Variants in DCAF6 observed in about 807,000 individuals in gnomAD.
The protein encoded by DCAF6 is DDB1 and CUL4 associated factor 6.
Under a neutral mutation model 125.1 loss-of-function variants are expected in DCAF6, and 54 were observed. The ratio of observed to expected loss-of-function variants is 0.43; its 90% CI spans 0.35 to 0.54. The LOEUF is 0.54. DCAF6 is among the 20% of genes least tolerant of loss of function. DCAF6 has a pLI of 0.01. For missense variants in DCAF6, 934 were observed against 1,161.7 expected (o/e 0.80, Z 2.85); for synonymous variants, 371 against 390.4 (o/e 0.95, Z 0.58).
At chr1:167,938,810 A>G (rs1184865374) in intron 1 of DCAF6, among the ~76,000 whole-genome samples, 1 of 152,190 alleles carries the variant, frequency 6.6e-6, no homozygotes, top group Non-Finnish European at 1.5e-5. Context: ...GTTAATTAAA[A>G]TATAACAAAA....
chr1:168,008,748 T>C (rs1355222433), intron 10 of DCAF6, among the ~76,000 whole-genome samples: 1 of 152,034 alleles, frequency 6.6e-6, no homozygotes, highest in African/African-American at 2.4e-5. Flanking sequence ...CATTCAATTT[T>C]CTCAGTACTT....
At chr1:167,939,944 C>T (rs962733626) in intron 1 of DCAF6, among the ~76,000 whole-genome samples, 8 of 152,096 alleles carry the variant, frequency 5.3e-5, no homozygotes, top group Non-Finnish European at 1.0e-4. Context: ...GATACATTTT[C>T]ATTATTTGTA....
intron 16 of DCAF6, among the ~76,000 whole-genome samples, chr1:168,049,431 G>GTTGTTGT (rs749459860): frequency 6.6e-4 from 67 of 101,208 alleles, no homozygotes; most frequent in African/African-American, 2.6e-3. Flanking sequence ...TGTTGTTGTT[G>GTTGTTGT]TTTTTTTTTT....
At chr1:167,961,712 G>A (rs1315591304) in intron 2 of DCAF6, among the ~76,000 whole-genome samples, 1 of 152,152 alleles carries the variant, frequency 6.6e-6, no homozygotes, top group Admixed American at 6.5e-5. Context: ...TGGTGAGAGA[G>A]GACATCCTTG....
chr1:168,000,587 A>G (rs1330096538), intron 7 of DCAF6, among the ~76,000 whole-genome samples: 1 of 152,186 alleles, frequency 6.6e-6, no homozygotes, highest in Non-Finnish European at 1.5e-5. Flanking sequence ...ATAATAGCCA[A>G]CAAGTGGAAT....
intron 1 of DCAF6, among the ~76,000 whole-genome samples, chr1:167,942,807 C>T (rs1283463064): frequency 6.6e-6 from 1 of 152,102 alleles, no homozygotes; most frequent in African/African-American, 2.4e-5. Context: ...TGTTGAAAAT[C>T]AATTGACCAT....
In DCAF6 at chr1:167,993,202, A is replaced by G. The variant is rs747460982; in HGVS notation, c.689-24A>G. The G allele has an allele frequency of 3.2e-6, 5 of 1,575,598 alleles. No individual in the cohort carries two copies. Among genetic ancestry groups the G allele is most frequent in the Non-Finnish European group, 4.3e-6 (5 of 1,160,076 alleles). On this transcript the variant is annotated intron_variant, in intron 6 of 21. Coordinates refer to ENST00000367840, the MANE Select transcript of DCAF6 (RefSeq NM_001198956.2). Reference sequence around the variant, plus strand: ...TTTCTTTAAAACATTATTAATTTTAAATAACTTCTTGTTTCTTTTTTAGGG... The same window carrying G: ...TTTCTTTAAAACATTATTAATTTTAGATAACTTCTTGTTTCTTTTTTAGGG...
At chr1:168,036,070 TAAA>T (rs1303138847) in intron 12 of DCAF6, among the ~76,000 whole-genome samples, 1 of 151,890 alleles carries the variant, frequency 6.6e-6, no homozygotes, top group Non-Finnish European at 1.5e-5. Context: ...TCAAAAAAAA[TAAA>T]AACAAAACAA....
rs114382142 is a variant in DCAF6, at chr1:168,048,229, A to T, written c.2259-2663A>T. 7.8e-3 allele frequency among the ~76,000 whole-genome samples: 1,189 copies of T among 152,262 alleles called. 8 individuals are homozygous for T. Among genetic ancestry groups the T allele is most frequent in the South Asian group, 0.042 (202 of 4,824 alleles). Reference sequence around the variant, plus strand: ...ATGGATGAAATGCCCACCTAAAAGGATGTATGTCTTAAAGTTCCCTCCATG... The same window carrying T: ...ATGGATGAAATGCCCACCTAAAAGGTTGTATGTCTTAAAGTTCCCTCCATG... On this transcript the variant is annotated intron_variant, in intron 16 of 21. Coordinates refer to ENST00000367840, the MANE Select transcript of DCAF6 (RefSeq NM_001198956.2).
At chr1:167,952,635 C>T (rs768393171) in intron 2 of DCAF6, among the ~76,000 whole-genome samples, 7 of 152,144 alleles carry the variant, frequency 4.6e-5, no homozygotes, top group African/African-American at 1.2e-4. Context: ...CTGACTCCTC[C>T]GCATATGTTC....
At chr1:167,915,008 C>T in the DCAF6 span, among the ~76,000 whole-genome samples, 4 of 152,290 alleles carry the variant, frequency 2.6e-5, no homozygotes, top group Middle Eastern at 3.4e-3. Context: ...ATTAAACAAT[C>T]CCCTTAGGGA....
intron 17 of DCAF6, among the ~76,000 whole-genome samples, chr1:168,058,334 C>T (rs1691157642): frequency 1.3e-5 from 2 of 152,136 alleles, no homozygotes; most frequent in African/African-American, 4.8e-5. Context: ...AGGAATGGAC[C>T]ATTTACAAAA....
chr1:168,017,227 T>G (rs202253), intron 11 of DCAF6, among the ~76,000 whole-genome samples: 66,943 of 147,738 alleles, frequency 0.45, 16,478 homozygotes, highest in African/African-American at 0.67. Context: ...AACATTTTTG[T>G]TTTTTTTTTT....
At chr1:167,943,496 T>A (rs1361713326) in intron 1 of DCAF6, among the ~76,000 whole-genome samples, 2 of 151,960 alleles carry the variant, frequency 1.3e-5, no homozygotes, top group Non-Finnish European at 2.9e-5. Flanking sequence ...TGTAATGCTA[T>A]TTTAGATGAT....
the DCAF6 span, chr1:167,880,686 G>C: frequency 9.1e-7 from 1 of 1,101,088 alleles, no homozygotes; most frequent in Non-Finnish European, 1.4e-6. Context: ...GCTCAACAGA[G>C]AGCCGGCGGC....
chr1:167,880,453 G>A, the DCAF6 span: 1 of 1,475,862 alleles, frequency 6.8e-7, no homozygotes, highest in Admixed American at 1.7e-5. Context: ...CCTCAAAAGG[G>A]TCAGGGACCG....
intron 1 of DCAF6, chr1:167,937,256 C>T (rs1295310996): frequency 5.3e-6 from 3 of 567,100 alleles, no homozygotes; most frequent in South Asian, 4.1e-5. Context: ...GCAGAAGGTA[C>T]TGGCTTGTAA....
At chr1:167,889,180 T>C in the DCAF6 span, among the ~76,000 whole-genome samples, 1 of 152,216 alleles carries the variant, frequency 6.6e-6, no homozygotes, top group Non-Finnish European at 1.5e-5. Context: ...TTTTAGTTTC[T>C]CCCTATTCAT....
the DCAF6 span, among the ~76,000 whole-genome samples, chr1:167,898,428 G>A: frequency 4.6e-5 from 7 of 151,912 alleles, no homozygotes; most frequent in African/African-American, 7.2e-5. Context: ...GTGAAACCCC[G>A]TCTCTACTAA....
Sources: allele counts gnomAD v4.1 joint callset (sites outside exome capture counted in the v4.1 genomes callset), GRCh38; gene constraint gnomAD v4.1.1; transcripts MANE v1.5; gene names NCBI Gene and HGNC (gene_info 2026-07-23, HGNC 2026-07-21).